RALGAPA1: variants seen among roughly 807,000 people sequenced by gnomAD.
RALGAPA1 encodes the protein Ral GTPase activating protein catalytic subunit alpha 1.
Under a neutral mutation model 269.6 loss-of-function variants are expected in RALGAPA1, and 52 were observed. The ratio of observed to expected loss-of-function variants is 0.19; its 90% confidence interval spans 0.15 to 0.24. The LOEUF is 0.24. Ranked by LOEUF, RALGAPA1 falls within the 10% of genes least tolerant of loss-of-function variation. The pLI is 1.00. For missense variants in RALGAPA1, 1,917 were observed against 3,013.9 expected, an observed-to-expected ratio of 0.64 and a Z score of 8.52; for synonymous variants, 817 against 1,008.3, an observed-to-expected ratio of 0.81 and a Z score of 3.60.
intron 35 of RALGAPA1, among the ~76,000 whole-genome samples, chr14:35,615,126 A>G (rs978333476): frequency 1.3e-5 from 2 of 152,170 alleles, no homozygotes. Context: ...TAGAAAAAAT[A>G]GTTAAAATTA....
chr14:35,765,269 A>T (rs1166550043), intron 4 of RALGAPA1, among the ~76,000 whole-genome samples: 1 of 152,156 alleles, frequency 6.6e-6, no homozygotes, highest in Non-Finnish European at 1.5e-5. Context: ...GAAAATAGCC[A>T]ACACCACCAC....
chr14:35,695,736 A>G (rs2066848116), intron 17 of RALGAPA1, among the ~76,000 whole-genome samples: 1 of 152,204 alleles, frequency 6.6e-6, no homozygotes, highest in Non-Finnish European at 1.5e-5. Flanking sequence ...ATACTTTTAT[A>G]TTCCTTTTTT....
chr14:35,631,841 G>A (rs2061376303), intron 33 of RALGAPA1, among the ~76,000 whole-genome samples: 1 of 152,080 alleles, frequency 6.6e-6, no homozygotes, highest in African/African-American at 2.4e-5. Flanking sequence ...AAGTAACATA[G>A]GTCTTATGAG....
At chr14:35,713,454 C>T (rs1391383728) in intron 16 of RALGAPA1, among the ~76,000 whole-genome samples, 7 of 152,146 alleles carry the variant, frequency 4.6e-5, no homozygotes, top group South Asian at 2.1e-4. Flanking sequence ...CTTCAGGTTC[C>T]ATTAGTGTCT....
chr14:35,680,884 G>A (rs1422045646), intron 21 of RALGAPA1, among the ~76,000 whole-genome samples: 4 of 152,118 alleles, frequency 2.6e-5, no homozygotes, highest in Admixed American at 6.5e-5. Context: ...AAAGTGCTGG[G>A]ATTACAGGTG....
At chr14:35,715,988 A>G in intron 16 of RALGAPA1, 1 of 985,364 alleles carries the variant, frequency 1.0e-6, no homozygotes, top group Non-Finnish European at 1.2e-6. Context: ...AATATCTAAT[A>G]GCTCCAGAAT....
At chr14:35,598,250 CT>C (rs1337005815) in intron 36 of RALGAPA1, among the ~76,000 whole-genome samples, 2 of 152,032 alleles carry the variant, frequency 1.3e-5, no homozygotes, top group Non-Finnish European at 2.9e-5. Flanking sequence ...ACTGATCCTT[CT>C]ATAATTATAT....
intron 16 of RALGAPA1, among the ~76,000 whole-genome samples, chr14:35,717,243 C>T (rs893003103): frequency 5.3e-5 from 8 of 152,060 alleles, no homozygotes; most frequent in African/African-American, 1.7e-4. Flanking sequence ...CTCTGCCTCC[C>T]GGGTTCAAGC....
chr14:35,720,518 T>C (rs1453177724), intron 16 of RALGAPA1, among the ~76,000 whole-genome samples: 1 of 152,204 alleles, frequency 6.6e-6, no homozygotes, highest in Admixed American at 6.5e-5. Context: ...TACATTCCCA[T>C]GGAAAATTCT....
intron 25 of RALGAPA1, among the ~76,000 whole-genome samples, chr14:35,672,155 C>T (rs900175309): frequency 1.3e-4 from 20 of 152,198 alleles, no homozygotes; most frequent in African/African-American, 3.6e-4. Flanking sequence ...GACATGTTTA[C>T]AAGGTAGCAC....
intron 27 of RALGAPA1, among the ~76,000 whole-genome samples, chr14:35,660,438 C>T (rs753735522): frequency 1.3e-5 from 2 of 151,900 alleles, no homozygotes; most frequent in African/African-American, 2.4e-5. Context: ...CTTAGGAATA[C>T]GTATAACAAA....
chr14:35,647,021 A>G lies in RALGAPA1; in HGVS notation c.5676+4784T>C, dbSNP rs563737203. Among the ~76,000 whole-genome samples, 80 of 152,310 alleles carry G rather than the reference A, an allele frequency of 5.3e-4. No individual in the cohort carries two copies. The Middle Eastern group carries it at 0.017, about 32-fold the overall frequency. On this transcript the variant is annotated intron_variant, in intron 31 of 41. Coordinates refer to ENST00000680220, the MANE Select transcript of RALGAPA1 (RefSeq NM_001346249.2). ...ATGTTTCTAACTAAAAACAGTATGG[A>G]CTTTGGCATCTATCTGTCAATCACA...
chr14:35,603,535 T>TA (rs1366268309), intron 36 of RALGAPA1, among the ~76,000 whole-genome samples: 1 of 152,158 alleles, frequency 6.6e-6, no homozygotes, highest in Non-Finnish European at 1.5e-5. Flanking sequence ...ATCAAACAGA[T>TA]ACCTGCACTG....
In RALGAPA1 at chr14:35,689,797, G is replaced by A; in HGVS notation, c.2614C>T (p.Pro872Ser). ...GCCTCTGTGGAACTCTGCAAGCTTGGTGCATGACGGGATGAACTGTCAATG... is the reference window on the plus strand; with the variant it reads ...GCCTCTGTGGAACTCTGCAAGCTTGATGCATGACGGGATGAACTGTCAATG... ...PVIDSSSRHA[P>S]SLQSSTEASS... Residue 872 changes from proline (P) to serine (S), a missense_variant, in exon 18 of 42, where the codon CCA becomes TCA. Pro to Ser is a moderately conservative substitution (Grantham distance 74). This residue lies in a region of RALGAPA1 where 615 missense variants were observed against 790.0 expected (regional missense o/e 0.78). Coordinates refer to ENST00000680220, the MANE Select transcript of RALGAPA1 (RefSeq NM_001346249.2). The A allele has an allele frequency of 1.3e-6, 2 of 1,560,210 alleles. No homozygotes were observed. The highest frequency in any genetic ancestry group is 2.4e-5 in the South Asian group (2 of 83,342).
At chr14:35,678,753 A>C (rs994596907) in intron 21 of RALGAPA1, among the ~76,000 whole-genome samples, 3 of 152,156 alleles carry the variant, frequency 2.0e-5, no homozygotes, top group East Asian at 1.9e-4. Flanking sequence ...CATAGAAAGT[A>C]AACTACTTGT....
chr14:35,801,804 G>GA (rs1444140364), intron 1 of RALGAPA1, among the ~76,000 whole-genome samples: 3 of 151,982 alleles, frequency 2.0e-5, no homozygotes, highest in South Asian at 2.1e-4. Context: ...ATTATACAGT[G>GA]AAAAAAATCA....
rs770145051 is a variant in RALGAPA1 at position 35,634,729 on chromosome 14, T to C, written c.5840A>G (p.Gln1947Arg). 18 of 1,611,156 alleles carry C rather than the reference T, an allele frequency of 1.1e-5. 1 individual carries two copies. The South Asian group carries it at 1.7e-4, about 15-fold the overall frequency. Residue 1947 changes from glutamine (Q) to arginine (R), a missense_variant, in exon 33 of 42, where the codon CAG becomes CGG. Around this residue, in one of 11 missense-constraint regions of RALGAPA1, gnomAD observed 346 missense variants for 566.1 expected, o/e 0.61. Coordinates refer to ENST00000680220, the MANE Select transcript of RALGAPA1 (RefSeq NM_001346249.2). ...KVLHGCVYGA[Q>R]CFSNPRYFPM... ...AAAATACCTTGGATTGCTAAAACAC[T>C]GAGCTCCATAAACACACCCATGTAA...
chr14:35,620,084 T>A (rs1594843991), intron 35 of RALGAPA1, among the ~76,000 whole-genome samples: 1 of 151,854 alleles, frequency 6.6e-6, no homozygotes, highest in African/African-American at 2.4e-5. Context: ...GAATATTACA[T>A]CAATATCCCT....
At chr14:35,775,496 T>C in intron 2 of RALGAPA1, 139 bp downstream of exon 2, 1 of 1,009,218 alleles carries the variant, frequency 9.9e-7, no homozygotes, top group South Asian at 2.0e-5. Context: ...TCACTAGACC[T>C]ATGATAGTAG....
Sources: allele counts gnomAD v4.1 joint callset (sites outside exome capture counted in the v4.1 genomes callset), GRCh38; gene constraint gnomAD v4.1.1; regional missense constraint gnomAD v4.1.1; transcripts MANE v1.5; gene names NCBI Gene and HGNC (gene_info 2026-07-23, HGNC 2026-07-21).